HSPA9: variants seen among roughly 807,000 people sequenced by gnomAD.
HSPA9 encodes stress-70 protein, mitochondrial.
Under a neutral mutation model 81.5 loss-of-function variants are expected in HSPA9, and 28 were observed. The ratio of observed to expected loss-of-function variants is 0.34; its 90% CI spans 0.25 to 0.47. HSPA9 has a LOEUF of 0.47. Ranked by LOEUF, HSPA9 falls within the 20% of genes least tolerant of loss-of-function variation. The pLI, the probability that HSPA9 is intolerant of heterozygous loss-of-function variation, is 1.00. For synonymous variants in HSPA9, 293 were observed against 290.4 expected (o/e 1.01, Z -0.09); for missense variants, 678 against 838.0 (o/e 0.81, Z 2.36).
At chr5:138,570,533 G>A (rs1168839712) in intron 4 of HSPA9, among the ~76,000 whole-genome samples, 2 of 152,188 alleles carry the variant, frequency 1.3e-5, no homozygotes, top group Non-Finnish European at 2.9e-5. Context: ...AGCCCAGGCT[G>A]GAGTGCAGTG....
At chr5:138,570,915 C>A in intron 4 of HSPA9, 45 bp downstream of exon 4, 1 of 1,550,808 alleles carries the variant, frequency 6.4e-7, no homozygotes, top group South Asian at 1.1e-5. Flanking sequence ...CTGTGTGGCC[C>A]TTGCAAATAA....
At chr5:138,566,107 G>A (rs771502373) in intron 9 of HSPA9, among the ~76,000 whole-genome samples, 4 of 142,288 alleles carry the variant, frequency 2.8e-5, no homozygotes, top group Non-Finnish European at 4.5e-5. Flanking sequence ...GAAATCACTT[G>A]AACCCAGGAG....
At chr5:138,568,357 T>C (rs1750810766) in intron 5 of HSPA9, among the ~76,000 whole-genome samples, 1 of 149,338 alleles carries the variant, frequency 6.7e-6, no homozygotes, top group Non-Finnish European at 1.5e-5. Context: ...CAAAAGTGGC[T>C]AGGCATGATG....
intron 9 of HSPA9, among the ~76,000 whole-genome samples, chr5:138,563,137 A>G (rs996344333): frequency 2.0e-5 from 3 of 152,216 alleles, no homozygotes; most frequent in Non-Finnish European, 4.4e-5. Flanking sequence ...CAAAATGTTG[A>G]TTAACCAAAT....
chr5:138,562,082 G>A (rs553936766), intron 9 of HSPA9, among the ~76,000 whole-genome samples: 74 of 151,672 alleles, frequency 4.9e-4, no homozygotes, highest in Non-Finnish European at 9.3e-4. Flanking sequence ...GGGACTACAG[G>A]CATGTGCCAC....
chr5:138,575,176 G>GCGAAGCCCGAGGCC, intron 1 of HSPA9, 62 bp downstream of exon 1: 1 of 1,200,170 alleles, frequency 8.3e-7, no homozygotes, highest in East Asian at 2.4e-5. Flanking sequence ...GCCTGCCGCA[G>GCGAAGCCCGAGGCC]CGAAGCCCGA....
At chr5:138,564,350 G>A (rs256017) in intron 9 of HSPA9, among the ~76,000 whole-genome samples, 2 of 152,076 alleles carry the variant, frequency 1.3e-5, no homozygotes, top group Non-Finnish European at 2.9e-5. Context: ...GTGATTCACC[G>A]GCCTTGGCCT....
At position 138,567,442 on chromosome 5, in the gene HSPA9, T is replaced by C; in HGVS notation, c.716+13A>G. On this transcript the variant is annotated intron_variant, in intron 7 of 16. Coordinates refer to ENST00000297185, the MANE Select transcript of HSPA9 (RefSeq NM_004134.7). Reference sequence around the variant, plus strand: ...TCACACATCCAGGTGAGAAATTTACTGCACAAACTTACACTTTGTCTTCTG... The same window carrying C: ...TCACACATCCAGGTGAGAAATTTACCGCACAAACTTACACTTTGTCTTCTG... 1.3e-6 allele frequency: 2 copies of C among 1,592,688 alleles called. No individual in the cohort carries two copies. Among genetic ancestry groups the C allele is most frequent in the Non-Finnish European group, 1.7e-6 (2 of 1,160,516 alleles).
chr5:138,573,690 TC>T, intron 3 of HSPA9, 72 bp downstream of exon 3: 1 of 643,648 alleles, frequency 1.6e-6, no homozygotes, highest in Non-Finnish European at 2.8e-6. Context: ...GTTCTCAAAT[TC>T]CTTAACTAAG....
chr5:138,569,311 C>T (rs1350915729), intron 4 of HSPA9, among the ~76,000 whole-genome samples: 1 of 152,122 alleles, frequency 6.6e-6, no homozygotes, highest in Non-Finnish European at 1.5e-5. Flanking sequence ...TTATTTAGCG[C>T]CCCAGGCAGA....
intron 3 of HSPA9, among the ~76,000 whole-genome samples, chr5:138,572,763 C>A (rs540287933): frequency 2.0e-5 from 3 of 152,268 alleles, no homozygotes; most frequent in African/African-American, 7.2e-5. Flanking sequence ...CTAATTTGGG[C>A]TTCTTGGCAT....
chr5:138,557,466 T>A lies in HSPA9; in HGVS notation c.1664A>T (p.Lys555Ile). 6.2e-7 allele frequency: 1 copy of A among 1,609,368 alleles called. No homozygotes were observed. The change falls in exon 14 of 17, where the codon AAA becomes ATA. Residue 555 changes from lysine to isoleucine, a missense_variant. This residue lies in a region of HSPA9 where 484 missense variants were observed against 647.5 expected (regional missense o/e 0.75). Coordinates refer to ENST00000297185, the MANE Select transcript of HSPA9 (RefSeq NM_004134.7). ...IVIQSSGGLSKDDIENMVKNA... is the reference protein window; with the variant it reads ...IVIQSSGGLSIDDIENMVKNA... ...TTTAACCATATTTTCAATATCATCT[T>A]TGCTTAATCCACCAGAAGACTGGAT...
At chr5:138,558,097 C>T in intron 12 of HSPA9, 111 bp from the exon 13 acceptor site, 1 of 791,014 alleles carries the variant, frequency 1.3e-6, no homozygotes. Context: ...CTGGGAGAAA[C>T]AAGTGATTTA....
chr5:138,567,002 T>G lies in HSPA9; in HGVS notation c.878A>C (p.Glu293Ala). ...LRHIVKEFKRETGVDLTKDNM... is the reference protein window; with the variant it reads ...LRHIVKEFKRATGVDLTKDNM... ...ATATTAACCACATTGGTAACTCACC[T>G]CTCTCTTGAACTCCTTCACAATGTG... Residue 293 changes from glutamate to alanine, a missense_variant and splice_region_variant, in exon 8 of 17, where the codon GAG becomes GCG. By Grantham distance (107) the Glu-to-Ala change is moderately radical. Coordinates refer to ENST00000297185, the MANE Select transcript of HSPA9 (RefSeq NM_004134.7). 1 of 1,612,500 alleles carries G rather than the reference T, an allele frequency of 6.2e-7. No individual in the cohort carries two copies. The highest frequency in any genetic ancestry group is 1.1e-5 in the South Asian group (1 of 91,020).
intron 12 of HSPA9, 102 bp from the exon 13 acceptor site, chr5:138,558,088 TG>T (rs1190129638): frequency 1.2e-6 from 1 of 823,804 alleles, no homozygotes; most frequent in Non-Finnish European, 2.1e-6. Flanking sequence ...ACTTGGTTCC[TG>T]GGAGAAACAA....
intron 3 of HSPA9, among the ~76,000 whole-genome samples, 166 bp from the exon 4 acceptor site, chr5:138,571,307 A>C (rs1428144670): frequency 2.0e-5 from 3 of 152,080 alleles, no homozygotes; most frequent in African/African-American, 7.2e-5. Context: ...CAGCCTCCCT[A>C]GTAGCTGGTA....
rs1448726760 is a variant in HSPA9, at chr5:138,554,001, A to G, written c.*2036T>C. 6.6e-6 allele frequency among the ~76,000 whole-genome samples: 1 copy of G among 152,210 alleles called. No homozygotes were observed. Among genetic ancestry groups the G allele is most frequent in the African/African-American group, 2.4e-5 (1 of 41,448 alleles). ...TCCTGGTCACTGAAATTTTACCCCAACAGCTTTCCCAGCAGTGGACTGTGG... is the reference window on the plus strand; with the variant it reads ...TCCTGGTCACTGAAATTTTACCCCAGCAGCTTTCCCAGCAGTGGACTGTGG... On this transcript the variant is annotated 3_prime_UTR_variant, in exon 17 of 17. Transcript: ENST00000297185.
At position 138,556,880 on chromosome 5, in the gene HSPA9, G is replaced by C. The variant is rs370478027; in HGVS notation, c.1729-14C>G. 6.3e-7 allele frequency: 1 copy of C among 1,599,376 alleles called. No homozygotes were observed. The highest frequency in any genetic ancestry group is 8.6e-7 in the Non-Finnish European group (1 of 1,166,882). Reference sequence around the variant, plus strand: ...TTCAACTCGTTCCTTAGAGAAATTAGAAGTTTAAACGAAGACTTTCCAATC... The same window carrying C: ...TTCAACTCGTTCCTTAGAGAAATTACAAGTTTAAACGAAGACTTTCCAATC... On this transcript the variant is annotated splice_polypyrimidine_tract_variant and intron_variant, in intron 14 of 16. Coordinates refer to ENST00000297185, the MANE Select transcript of HSPA9 (RefSeq NM_004134.7).
rs747674956 is a variant in HSPA9 at position 138,566,635 on chromosome 5, T to C, written c.963A>G (p.Ser321=). ...ATTTTCCGTGTCTCACCTGCACAGATGAGGAGAGTTCACATTTAGCCTTTT... is the reference window on the plus strand; with the variant it reads ...ATTTTCCGTGTCTCACCTGCACAGACGAGGAGAGTTCACATTTAGCCTTTT... The part of the protein sequence containing the change: ...AAEKAKCELS[S]SVQTDINLPY... The change falls in exon 9 of 17, where the codon TCA becomes TCG. Residue 321 remains serine, a synonymous_variant. Transcript: ENST00000297185. 1 of 1,611,206 alleles carries C rather than the reference T, an allele frequency of 6.2e-7. No homozygotes were observed. The highest frequency in any genetic ancestry group is 1.7e-5 in the Admixed American group (1 of 60,018).
Sources: gnomAD v4.1 joint callset for allele counts (sites outside exome capture counted in the v4.1 genomes callset) on GRCh38, gnomAD v4.1.1 for gene constraint, gnomAD v4.1.1 regional missense constraint, MANE v1.5 for transcripts, NCBI Gene and HGNC (gene_info 2026-07-23, HGNC 2026-07-21) for gene names.